DERA: variants seen among roughly 807,000 people sequenced by gnomAD.
DERA encodes 2-deoxy-D-ribose 5-phosphate aldolase.
Under a neutral mutation model 41.1 loss-of-function variants are expected in DERA, and 15 were observed. That is an observed-to-expected ratio of 0.37 (90% CI 0.24 to 0.56). DERA has a LOEUF of 0.56. DERA is among the 20% of genes least tolerant of loss of function. DERA has a pLI of 0.81. For synonymous variants in DERA, 139 were observed against 137.4 expected (o/e 1.01, Z -0.08); for missense variants, 396 against 403.4 (o/e 0.98, Z 0.16).
At position 16,020,969 on chromosome 12, in the gene DERA, T is replaced by C. The variant is rs1367249420; in HGVS notation, c.638-11573T>C. Among the ~76,000 whole-genome samples the C allele has an allele frequency of 1.3e-5, 2 of 152,224 alleles. No homozygotes were observed. Among genetic ancestry groups the C allele is most frequent in the African/African-American group, 4.8e-5 (2 of 41,460 alleles). ...CACATGCTGGAGCAAAGGAATTACT[T>C]AATGTGAGAACTTATATTTAAATGG... On this transcript the variant is annotated intron_variant, in intron 6 of 8. Coordinates refer to ENST00000428559, the MANE Select transcript of DERA (RefSeq NM_015954.4). This position sits in a 1 kb window ranked among gnomAD's most constrained non-coding sequence, Gnocchi z 5.5.
In DERA at chr12:15,962,885, A is replaced by T; in HGVS notation, c.446A>T (p.Asp149Val). The T allele has an allele frequency of 6.3e-7, 1 of 1,590,022 alleles. No individual in the cohort carries two copies. The highest frequency in any genetic ancestry group is 1.2e-5 in the South Asian group (1 of 86,814). ...RLEEIRLAVE[D>V]GATEIDVVIN... is the part of the protein sequence containing the mutation. ...GAAGAGATCAGATTGGCTGTGGAAGATGGAGCTACAGAAATCGACGTGGTA... is the reference window on the plus strand; with the variant it reads ...GAAGAGATCAGATTGGCTGTGGAAGTTGGAGCTACAGAAATCGACGTGGTA... The change falls in exon 5 of 9, where the codon GAT becomes GTT. Residue 149 changes from aspartate to valine, a missense_variant. Physicochemically the swap from Asp to Val is radical, Grantham distance 152. Coordinates refer to ENST00000428559, the MANE Select transcript of DERA (RefSeq NM_015954.4).
At chr12:15,945,699 C>A (rs935729278) in intron 1 of DERA, among the ~76,000 whole-genome samples, 1 of 152,126 alleles carries the variant, frequency 6.6e-6, no homozygotes, top group African/African-American at 2.4e-5. Context: ...TCCTCTTTTT[C>A]TAATTGAATA....
intron 6 of DERA, among the ~76,000 whole-genome samples, chr12:16,031,052 T>C (rs1949089174): frequency 6.6e-6 from 1 of 152,248 alleles, no homozygotes; most frequent in Non-Finnish European, 1.5e-5. Context: ...GTGCTTGCTA[T>C]GCGATTGTCC....
chr12:16,037,016 T>C lies in DERA; in HGVS notation c.*270T>C, dbSNP rs1949133985. The C allele has an allele frequency of 2.7e-6, 1 of 369,930 alleles. No homozygotes were observed. Among genetic ancestry groups the C allele is most frequent in the Admixed American group, 4.6e-5 (1 of 21,746 alleles). The allele number at this position is 369,930 out of a possible 1,614,324, so 22.9% of individuals were successfully genotyped here. A position where few individuals can be genotyped will look rare whatever the true frequency, so the allele number is the denominator to read the frequency against. ...CTCCTAAAAACTTTAAGTAAAATGT[T>C]AATGGTAGCTTTGATAACATCAAAT... On this transcript the variant is annotated 3_prime_UTR_variant, in exon 9 of 9. Transcript: ENST00000428559. The surrounding 1 kb of genome is among the most constrained non-coding windows in gnomAD (Gnocchi z 6.7).
chr12:15,929,999 T>G lies in DERA; in HGVS notation c.31+18585T>G, dbSNP rs542162361. Among the ~76,000 whole-genome samples the G allele has an allele frequency of 1.6e-4, 25 of 152,292 alleles. No individual in the cohort carries two copies. The South Asian group carries it at 5.2e-3, about 32-fold the overall frequency. On this transcript the variant is annotated intron_variant, in intron 1 of 8. Transcript: ENST00000428559. ...TCCTGGTTCTTCTACCTATAATTTT[T>G]GAGTTTTGTAAGTAAAAAATAGTGA... is the stretch of plus-strand genomic sequence containing the variant.
chr12:15,911,798 A>G lies in DERA; in HGVS notation c.31+384A>G. ...TTCTTTCTCCTCCTTTTAATAGAAT[A>G]CTTGTGTAATTTAATGCAGTATTTC... On this transcript the variant is annotated intron_variant, in intron 1 of 8. Coordinates refer to ENST00000428559, the MANE Select transcript of DERA (RefSeq NM_015954.4). The surrounding 1 kb of genome is among the most constrained non-coding windows in gnomAD (Gnocchi z 4.5). 4.0e-6 allele frequency: 2 copies of G among 501,044 alleles called. No homozygotes were observed. The highest frequency in any genetic ancestry group is 7.8e-6 in the Non-Finnish European group (2 of 257,104). The allele number at this position is 501,044 out of a possible 1,614,324, so 31.0% of individuals were successfully genotyped here.
rs1201671155 is a variant in DERA at position 16,026,873 on chromosome 12, G to A, written c.638-5669G>A. On this transcript the variant is annotated intron_variant, in intron 6 of 8. Transcript: ENST00000428559. This position sits in a 1 kb window ranked among gnomAD's most constrained non-coding sequence, Gnocchi z 4.4. ...ACTGCCAGAAAGAAAACCTATAGAT[G>A]AACATCTTTAATGAACATACATATA... 6.6e-6 allele frequency among the ~76,000 whole-genome samples: 1 copy of A among 151,948 alleles called. No homozygotes were observed. The highest frequency in any genetic ancestry group is 2.4e-5 in the African/African-American group (1 of 41,410).
intron 6 of DERA, among the ~76,000 whole-genome samples, chr12:16,018,433 C>A (rs993107166): frequency 6.6e-6 from 1 of 152,100 alleles, no homozygotes; most frequent in Non-Finnish European, 1.5e-5. Context: ...TAGTACATTT[C>A]TTTAATGAAC....
chr12:15,935,477 A>G lies in DERA; in HGVS notation c.32-21459A>G, dbSNP rs1332508859. ...ACTCCAGCCTGGGCAACAGAGTGAGACCCTGTCTCAAAAAAATAAAAAGTT... is the reference window on the plus strand; with the variant it reads ...ACTCCAGCCTGGGCAACAGAGTGAGGCCCTGTCTCAAAAAAATAAAAAGTT... On this transcript the variant is annotated intron_variant, in intron 1 of 8. Coordinates refer to ENST00000428559, the MANE Select transcript of DERA (RefSeq NM_015954.4). This position sits in a 1 kb window ranked among gnomAD's most constrained non-coding sequence, Gnocchi z 4.8. Among the ~76,000 whole-genome samples the G allele has an allele frequency of 6.6e-6, 1 of 152,184 alleles. No homozygotes were observed. Among genetic ancestry groups the G allele is most frequent in the East Asian group, 1.9e-4 (1 of 5,196 alleles).
In DERA at chr12:15,982,664, G is replaced by A. The variant is rs546051768; in HGVS notation, c.637+228G>A. On this transcript the variant is annotated intron_variant, in intron 6 of 8. Transcript: ENST00000428559. The surrounding 1 kb of genome is among the most constrained non-coding windows in gnomAD (Gnocchi z 4.0). ...GTGTGGCATTTCATTGCTGCACTAT[G>A]CTTATAAGGCAGTAGATGGCTCTCT... 5.9e-5 allele frequency among the ~76,000 whole-genome samples: 9 copies of A among 152,058 alleles called. No homozygotes were observed. Among genetic ancestry groups the A allele is most frequent in the Non-Finnish European group, 1.3e-4 (9 of 68,010 alleles).
chr12:15,963,409 T>C (rs1453665113), intron 5 of DERA, among the ~76,000 whole-genome samples: 1 of 152,240 alleles, frequency 6.6e-6, no homozygotes, highest in Non-Finnish European at 1.5e-5. Context: ...TTAAGTTGAC[T>C]AAGTTTATTT....
chr12:15,992,846 G>A lies in DERA; in HGVS notation c.637+10410G>A, dbSNP rs543671479. 1.3e-5 allele frequency among the ~76,000 whole-genome samples: 2 copies of A among 152,236 alleles called. No homozygotes were observed. Among genetic ancestry groups the A allele is most frequent in the African/African-American group, 2.4e-5 (1 of 41,554 alleles). ...ACACACTCAACAGTTAACAAGCTCC[G>A]CTCTGAAGTTATTCTAGACCTTATC... On this transcript the variant is annotated intron_variant, in intron 6 of 8. Transcript: ENST00000428559. The surrounding 1 kb of genome is among the most constrained non-coding windows in gnomAD (Gnocchi z 4.3).
intron 1 of DERA, among the ~76,000 whole-genome samples, chr12:15,942,861 G>A (rs948308792): frequency 1.3e-5 from 2 of 152,202 alleles, no homozygotes; most frequent in Non-Finnish European, 2.9e-5. Context: ...TTTCAACTTT[G>A]TTAAGAAATG....
intron 1 of DERA, among the ~76,000 whole-genome samples, chr12:15,945,349 T>C (rs1948439219): frequency 6.6e-6 from 1 of 152,236 alleles, no homozygotes; most frequent in African/African-American, 2.4e-5. Flanking sequence ...ATATTGATTC[T>C]TCCTATCCAT....
intron 4 of DERA, among the ~76,000 whole-genome samples, chr12:15,960,500 T>C (rs1448654624): frequency 1.3e-5 from 2 of 150,796 alleles, no homozygotes; most frequent in African/African-American, 4.9e-5. Context: ...TAGCCAGGCA[T>C]GGTGGCAGGT....
intron 1 of DERA, among the ~76,000 whole-genome samples, chr12:15,934,495 A>G (rs1232071327): frequency 6.6e-6 from 1 of 152,050 alleles, no homozygotes; most frequent in Non-Finnish European, 1.5e-5. Flanking sequence ...CTGAGGCAGG[A>G]GAATTGCTTG....
chr12:16,001,365 C>G lies in DERA; in HGVS notation c.637+18929C>G, dbSNP rs890682397. On this transcript the variant is annotated intron_variant, in intron 6 of 8. Coordinates refer to ENST00000428559, the MANE Select transcript of DERA (RefSeq NM_015954.4). This position sits in a 1 kb window ranked among gnomAD's most constrained non-coding sequence, Gnocchi z 4.1. ...AATATACTTTTCAGCTAAACCCACC[C>G]CTTTCCACTGGCTGTTTTCTTTGGT... Among the ~76,000 whole-genome samples, 1 of 152,182 alleles carries G rather than the reference C, an allele frequency of 6.6e-6. No homozygotes were observed. Among genetic ancestry groups the G allele is most frequent in the East Asian group, 1.9e-4 (1 of 5,198 alleles).
In DERA at chr12:15,998,864, A is replaced by T. The variant is rs866015278; in HGVS notation, c.637+16428A>T. Among the ~76,000 whole-genome samples, 22 of 152,210 alleles carry T rather than the reference A, an allele frequency of 1.4e-4. No individual in the cohort carries two copies. The highest frequency in any genetic ancestry group is 5.3e-4 in the African/African-American group (22 of 41,458). On this transcript the variant is annotated intron_variant, in intron 6 of 8. Coordinates refer to ENST00000428559, the MANE Select transcript of DERA (RefSeq NM_015954.4). This position sits in a 1 kb window ranked among gnomAD's most constrained non-coding sequence, Gnocchi z 4.8. ...TTAGCTTACAGAATAACTGAAATGT[A>T]GCCTGTGTCAGTTGCACTATAGGTC...
chr12:15,914,467 A>G (rs1948186117), intron 1 of DERA, among the ~76,000 whole-genome samples: 1 of 151,934 alleles, frequency 6.6e-6, no homozygotes, highest in African/African-American at 2.4e-5. Context: ...ACTTGGGGGA[A>G]CTGGGGAATC....
Sources: allele counts gnomAD v4.1 joint callset (sites outside exome capture counted in the v4.1 genomes callset), GRCh38; gene constraint gnomAD v4.1.1; non-coding constraint Gnocchi (gnomAD v3.1); transcripts MANE v1.5; gene names NCBI Gene and HGNC (gene_info 2026-07-23, HGNC 2026-07-21).